The following DNAH14 variants were observed in gnomAD, a reference collection of about 807,000 sequenced individuals.
The protein encoded by DNAH14 is axonemal beta dynein heavy chain 14.
In DNAH14, 478 loss-of-function variants were observed where a neutral mutation model predicts 520.9. The ratio of observed to expected loss-of-function variants is 0.92; its 90% CI spans 0.85 to 0.99. DNAH14 has a LOEUF of 0.99. DNAH14 is among the 50% of genes least tolerant of loss of function. DNAH14 has a pLI of 0.00. For missense variants in DNAH14, 4,831 were observed against 5,234.5 expected, an observed-to-expected ratio of 0.92 and a Z score of 2.38; for synonymous variants, 1,581 against 1,757.2, an observed-to-expected ratio of 0.90 and a Z score of 2.51.
rs531573628 is a variant in DNAH14 at position 224,976,900 on chromosome 1, C to A, written c.830+2747C>A. On this transcript the variant is annotated intron_variant, in intron 8 of 85. Coordinates refer to ENST00000682510, the MANE Select transcript of DNAH14 (RefSeq NM_001367479.1). ...TTTACACTGTTGGTGGGACTGTAAA[C>A]TAGTTCAACCATTGTGGAAGTCAGT... Among the ~76,000 whole-genome samples the A allele has an allele frequency of 6.6e-5, 10 of 151,554 alleles. 1 individual carries two copies. In the East Asian group the frequency reaches 1.9e-3, roughly 29 times the overall value.
intron 23 of DNAH14, among the ~76,000 whole-genome samples, chr1:225,107,396 G>C (rs12062461): frequency 0.048 from 7,362 of 152,164 alleles, 518 homozygotes; most frequent in African/African-American, 0.16. Flanking sequence ...ATGAACATGT[G>C]ACTGAAACTG....
At chr1:225,184,313 A>G (rs4342820) in intron 36 of DNAH14, among the ~76,000 whole-genome samples, 16,972 of 148,710 alleles carry the variant, frequency 0.11, 1,476 homozygotes, top group East Asian at 0.26. Flanking sequence ...TTCACCACAT[A>G]AACAGAATTA....
chr1:225,192,986 T>G (rs1189317451), intron 38 of DNAH14, 75 bp downstream of exon 38: 3 of 1,120,468 alleles, frequency 2.7e-6, no homozygotes, highest in Non-Finnish European at 3.8e-6. Flanking sequence ...AGACTGATAT[T>G]AAAACATCAT....
intron 8 of DNAH14, among the ~76,000 whole-genome samples, chr1:224,995,433 T>C (rs553616800): frequency 6.6e-6 from 1 of 152,256 alleles, no homozygotes; most frequent in African/African-American, 2.4e-5. Flanking sequence ...ACTGGGATTT[T>C]TTTTTGTATA....
chr1:225,044,285 T>C (rs925812488), intron 15 of DNAH14, among the ~76,000 whole-genome samples: 8 of 152,216 alleles, frequency 5.3e-5, no homozygotes, highest in Non-Finnish European at 7.4e-5. Context: ...ATCTTTTATG[T>C]CATAGTATAA....
intron 37 of DNAH14, among the ~76,000 whole-genome samples, chr1:225,189,283 T>G (rs2085116055): frequency 6.6e-6 from 1 of 151,852 alleles, no homozygotes; most frequent in Non-Finnish European, 1.5e-5. Context: ...TTTTTGAGGA[T>G]TTTTGCATAT....
chr1:225,215,750 A>G (rs1055080609), intron 41 of DNAH14, among the ~76,000 whole-genome samples: 1 of 152,126 alleles, frequency 6.6e-6, no homozygotes, highest in Non-Finnish European at 1.5e-5. Flanking sequence ...TTTGCTTGGT[A>G]GATCTTTCTC....
At chr1:225,246,192 C>G (rs1308287960) in intron 43 of DNAH14, among the ~76,000 whole-genome samples, 1 of 147,696 alleles carries the variant, frequency 6.8e-6, no homozygotes, top group Admixed American at 6.8e-5. Context: ...AAAACTGAAA[C>G]TGGACCCCTT....
Position 225,089,172 on chromosome 1 carries a change from G to A in DNAH14, c.3573+3383G>A, listed in dbSNP as rs540524164. Among the ~76,000 whole-genome samples the A allele has an allele frequency of 4.6e-5, 7 of 152,258 alleles. No homozygotes were observed. The South Asian group carries it at 1.0e-3, about 23-fold the overall frequency. On this transcript the variant is annotated intron_variant, in intron 21 of 85. Transcript: ENST00000682510. ...TATTATAAGAAAACAGGCTGGGTGC[G>A]ACGGCTCATGCCTGTAATCCCAGCA...
In DNAH14 at chr1:225,192,743, G is replaced by A. The variant is rs757586295; in HGVS notation, c.5718G>A (p.Lys1906=). ...GKVDICVLNP[K]CVTLSELYGQ... ...TAGATATTTGTGTTTTAAATCCAAA[G>A]TGTGTCACTCTCAGTGAACTATATG... Residue 1906 remains lysine, a synonymous_variant, in exon 38 of 86, where the codon AAG becomes AAA. Transcript: ENST00000682510. 3.9e-6 allele frequency: 6 copies of A among 1,549,770 alleles called. No homozygotes were observed. In the African/African-American group the frequency reaches 4.1e-5, roughly 11 times the overall value.
At position 225,128,361 on chromosome 1, in the gene DNAH14, C is replaced by G. The variant is rs1016062288; in HGVS notation, c.4254+4747C>G. Reference sequence around the variant, plus strand: ...TACCAAAGCTGGGCAGAGACACAACCAAAAAAGAGAATTTTAGACCAATAT... The same window carrying G: ...TACCAAAGCTGGGCAGAGACACAACGAAAAAAGAGAATTTTAGACCAATAT... On this transcript the variant is annotated intron_variant, in intron 27 of 85. Transcript: ENST00000682510. 1.3e-4 allele frequency among the ~76,000 whole-genome samples: 20 copies of G among 151,692 alleles called. 1 individual carries two copies. Among genetic ancestry groups the G allele is most frequent in the Admixed American group, 1.3e-3 (20 of 15,196 alleles).
At chr1:225,147,896 T>C (rs2080103251) in intron 31 of DNAH14, among the ~76,000 whole-genome samples, 1 of 152,192 alleles carries the variant, frequency 6.6e-6, no homozygotes, top group Non-Finnish European at 1.5e-5. Context: ...TATTTGGTTT[T>C]CTACTGCATT....
chr1:225,190,011 C>A (rs528000059), intron 37 of DNAH14, among the ~76,000 whole-genome samples: 1 of 151,880 alleles, frequency 6.6e-6, no homozygotes, highest in African/African-American at 2.4e-5. Context: ...GTCCCCCCCA[C>A]CCAAAATTCA....
intron 75 of DNAH14, among the ~76,000 whole-genome samples, chr1:225,362,574 CAAA>C (rs56104945): frequency 8.3e-6 from 1 of 120,958 alleles, no homozygotes; most frequent in Non-Finnish European, 1.8e-5. Context: ...GACTCAGTCT[CAAA>C]AAAAAAAAAA....
chr1:225,288,855 G>A (rs1285799842), intron 54 of DNAH14, among the ~76,000 whole-genome samples: 1 of 152,100 alleles, frequency 6.6e-6, no homozygotes, highest in Non-Finnish European at 1.5e-5. Flanking sequence ...TTCATACAGT[G>A]CTTGTGGGAA....
Position 224,980,680 on chromosome 1 carries a change from A to G in DNAH14, c.830+6527A>G, listed in dbSNP as rs138117082. Among the ~76,000 whole-genome samples, 450 of 152,332 alleles carry G rather than the reference A, an allele frequency of 3.0e-3. 2 individuals are homozygous for G. The highest frequency in any genetic ancestry group is 0.01 in the African/African-American group (420 of 41,598). On this transcript the variant is annotated intron_variant, in intron 8 of 85. Coordinates refer to ENST00000682510, the MANE Select transcript of DNAH14 (RefSeq NM_001367479.1). ...TGGTTACAAGGCTTTGGTGAGACTC[A>G]GGCCTGTTGGCTTCAGGTTTAACCA... is the stretch of plus-strand genomic sequence containing the variant.
rs2074243339 is a variant in DNAH14 at position 225,090,051 on chromosome 1, T to C, written c.3573+4262T>C. The stretch of plus-strand genomic sequence containing the variant: ...TATTCCGATGACATGATTACCTATG[T>C]AAAAAAATCAAACAAAATTTACAAA... On this transcript the variant is annotated intron_variant, in intron 21 of 85. Transcript: ENST00000682510. Among the ~76,000 whole-genome samples, 3 of 152,120 alleles carry C rather than the reference T, an allele frequency of 2.0e-5. No homozygotes were observed. In the South Asian group the frequency reaches 6.2e-4, roughly 31 times the overall value.
intron 27 of DNAH14, 37 bp downstream of exon 27, chr1:225,123,651 C>T (rs1450432310): frequency 6.6e-6 from 2 of 302,518 alleles, no homozygotes; most frequent in South Asian, 6.8e-5. Context: ...TATACAGGGA[C>T]ACCTTGGAGA....
chr1:225,254,512 G>T (rs958326879), intron 44 of DNAH14, among the ~76,000 whole-genome samples: 2 of 152,128 alleles, frequency 1.3e-5, no homozygotes, highest in Non-Finnish European at 2.9e-5. Flanking sequence ...GTAACTCTAG[G>T]GAAAGTGGCT....
Sources: gnomAD v4.1 joint callset for allele counts (sites outside exome capture counted in the v4.1 genomes callset) on GRCh38, gnomAD v4.1.1 for gene constraint, MANE v1.5 for transcripts, NCBI Gene and HGNC (gene_info 2026-07-23, HGNC 2026-07-21) for gene names.